Variants in JAK2 observed in about 807,000 individuals in gnomAD.
JAK2 encodes the protein tyrosine-protein kinase JAK2.
A neutral mutation model predicts 139.3 loss-of-function variants in JAK2; 86 were observed. The observed-to-expected ratio is 0.62, with a 90% confidence interval of 0.52 to 0.74. The LOEUF is 0.74. Among genes scored for constraint, JAK2 ranks in the 30% least tolerant of loss-of-function variants. JAK2 has a pLI of 0.00. For synonymous variants in JAK2, 490 were observed against 437.7 expected (o/e 1.12, Z -1.49); for missense variants, 1,421 against 1,360.3 (o/e 1.04, Z -0.70).
chr9:5,058,439 C>T (rs1478861028), intron 8 of JAK2, among the ~76,000 whole-genome samples: 2 of 152,122 alleles, frequency 1.3e-5, no homozygotes, highest in African/African-American at 2.4e-5. Context: ...CCCTCACTAT[C>T]ATGAGAACAG....
At chr9:5,077,617 T>G (rs760546251) in intron 15 of JAK2, 37 bp downstream of exon 15, 9 of 1,329,672 alleles carry the variant, frequency 6.8e-6, no homozygotes, top group Middle Eastern at 4.8e-4. Context: ...AGATACTATT[T>G]TATTTTATAA....
Position 5,022,233 on chromosome 9 carries a change from A to G in JAK2, c.226+20A>G, listed in dbSNP as rs768062555. Reference sequence around the variant, plus strand: ...CTTGTGGTAAGTATTAAAAAACAGCATTTTCCTTTTTATGCATGGATTGTT... The same window carrying G: ...CTTGTGGTAAGTATTAAAAAACAGCGTTTTCCTTTTTATGCATGGATTGTT... On this transcript the variant is annotated intron_variant, in intron 3 of 24. Coordinates refer to ENST00000381652, the MANE Select transcript of JAK2 (RefSeq NM_004972.4). 1.9e-6 allele frequency: 3 copies of G among 1,559,544 alleles called. No homozygotes were observed. Among genetic ancestry groups the G allele is most frequent in the East Asian group, 4.5e-5 (2 of 44,588 alleles).
chr9:5,000,256 G>A (rs1179028096), intron 2 of JAK2, among the ~76,000 whole-genome samples: 1 of 151,926 alleles, frequency 6.6e-6, no homozygotes, highest in African/African-American at 2.4e-5. Context: ...GGTTTAGAAA[G>A]GAGGTACATA....
intron 2 of JAK2, among the ~76,000 whole-genome samples, chr9:5,009,073 C>T (rs1474647880): frequency 2.6e-5 from 4 of 152,092 alleles, no homozygotes; most frequent in Non-Finnish European, 5.9e-5. Context: ...TATGCACAGC[C>T]ACTTGCAAAC....
chr9:5,001,575 GGTTCTAT>G (rs1211392247), intron 2 of JAK2, among the ~76,000 whole-genome samples: 2 of 151,056 alleles, frequency 1.3e-5, no homozygotes, highest in Non-Finnish European at 3.0e-5. Context: ...ATATGCTCCT[GGTTCTAT>G]GTTCTATTAT....
chr9:4,996,252 C>G (rs10974906), intron 2 of JAK2, among the ~76,000 whole-genome samples: 395 of 152,174 alleles, frequency 2.6e-3, no homozygotes, highest in African/African-American at 9.1e-3. Flanking sequence ...AGTTCACCAC[C>G]AGCCTGACTA....
At chr9:5,059,628 C>T (rs1271651843) in intron 8 of JAK2, among the ~76,000 whole-genome samples, 1 of 152,062 alleles carries the variant, frequency 6.6e-6, no homozygotes, top group East Asian at 1.9e-4. Flanking sequence ...TACTGCCAAA[C>T]AATTTTTTGT....
At chr9:5,003,037 G>A (rs900090151) in intron 2 of JAK2, among the ~76,000 whole-genome samples, 2 of 151,888 alleles carry the variant, frequency 1.3e-5, no homozygotes, top group African/African-American at 4.8e-5. Flanking sequence ...TTCCAAATTA[G>A]GTAACTGTAT....
intron 22 of JAK2, among the ~76,000 whole-genome samples, chr9:5,101,566 G>A (rs976797639): frequency 6.6e-6 from 1 of 152,252 alleles, no homozygotes; most frequent in Non-Finnish European, 1.5e-5. Flanking sequence ...ACAATGGACA[G>A]ACTGCCTCAG....
chr9:5,033,912 G>A (rs1823362298), intron 4 of JAK2, among the ~76,000 whole-genome samples: 2 of 152,228 alleles, frequency 1.3e-5, no homozygotes, highest in African/African-American at 2.4e-5. Flanking sequence ...AACGTAAATG[G>A]GCTAAATGCT....
Position 5,066,802 on chromosome 9 carries a change from C to T in JAK2, c.1326+13C>T. The T allele has an allele frequency of 4.1e-6, 5 of 1,219,206 alleles. No homozygotes were observed. Among genetic ancestry groups the T allele is most frequent in the Non-Finnish European group, 5.8e-6 (5 of 868,518 alleles). The allele number at this position is 1,219,206 out of a possible 1,614,324, so 75.5% of individuals were successfully genotyped here. The stretch of plus-strand genomic sequence containing the variant: ...TTTTGCTGTCGAGGTTAGTATGTCA[C>T]ACTTATTAGTGGTAACACTTTATTT... On this transcript the variant is annotated intron_variant, in intron 10 of 24. Transcript: ENST00000381652.
intron 22 of JAK2, among the ~76,000 whole-genome samples, chr9:5,117,423 G>A (rs968187296): frequency 1.3e-5 from 2 of 152,080 alleles, no homozygotes; most frequent in Admixed American, 6.5e-5. Context: ...TGAAAGTGTG[G>A]GGACTTTAGG....
At chr9:5,031,333 A>G (rs1037204606) in intron 4 of JAK2, among the ~76,000 whole-genome samples, 1 of 152,232 alleles carries the variant, frequency 6.6e-6, no homozygotes. Context: ...AATGGTATCT[A>G]TTATTAAAGC....
At chr9:5,085,957 AT>A in intron 19 of JAK2, 1 of 1,119,850 alleles carries the variant, frequency 8.9e-7, no homozygotes, top group Non-Finnish European at 1.4e-6. Flanking sequence ...GGATCGGTGT[AT>A]TTCTCACCAC....
At chr9:5,024,622 C>G (rs903241051) in intron 3 of JAK2, among the ~76,000 whole-genome samples, 1 of 152,098 alleles carries the variant, frequency 6.6e-6, no homozygotes, top group Non-Finnish European at 1.5e-5. Flanking sequence ...CCCAAATAAA[C>G]TCTCCTCTGT....
intron 10 of JAK2, among the ~76,000 whole-genome samples, chr9:5,068,652 G>A (rs1016873578): frequency 6.6e-6 from 1 of 152,222 alleles, no homozygotes; most frequent in Non-Finnish European, 1.5e-5. Flanking sequence ...TATGTTGGCA[G>A]TGGCAGGAGC....
chr9:5,097,631 T>C (rs564886525), intron 22 of JAK2: 3 of 148,046 alleles, frequency 2.0e-5, no homozygotes, highest in South Asian at 4.2e-4. Context: ...TTTAGCTGAT[T>C]AGCTACACTG....
chr9:5,072,212 T>A (rs1208182196), intron 12 of JAK2, among the ~76,000 whole-genome samples: 1 of 152,156 alleles, frequency 6.6e-6, no homozygotes, highest in Admixed American at 6.5e-5. Flanking sequence ...AAACACTGAC[T>A]CTATTTTTAA....
At chr9:5,032,001 C>T (rs1001409163) in intron 4 of JAK2, among the ~76,000 whole-genome samples, 2 of 152,252 alleles carry the variant, frequency 1.3e-5, no homozygotes, top group South Asian at 2.1e-4. Flanking sequence ...AGGGAATTCC[C>T]TTTCCTAGTC....
Sources: allele counts gnomAD v4.1 joint callset (sites outside exome capture counted in the v4.1 genomes callset), GRCh38; gene constraint gnomAD v4.1.1; transcripts MANE v1.5; gene names NCBI Gene and HGNC (gene_info 2026-07-23, HGNC 2026-07-21).